FBXL7: variants seen among roughly 807,000 people sequenced by gnomAD.
The protein encoded by FBXL7 is F-box and leucine rich repeat protein 7.
Under a neutral mutation model 38.3 loss-of-function variants are expected in FBXL7, and 12 were observed. The ratio of observed to expected loss-of-function variants is 0.31; its 90% CI spans 0.20 to 0.51. The LOEUF is 0.51. FBXL7 is among the 20% of genes least tolerant of loss of function. The probability of loss-of-function intolerance (pLI) is 0.98; values close to 1 mark genes in which losing one functional copy is unlikely to be tolerated. For missense variants in FBXL7, 567 were observed against 676.4 expected, an observed-to-expected ratio of 0.84 and a Z score of 1.79; for synonymous variants, 297 against 300.9, an observed-to-expected ratio of 0.99 and a Z score of 0.13.
intron 2 of FBXL7, among the ~76,000 whole-genome samples, chr5:15,842,557 G>A (rs143953530): frequency 5.3e-5 from 8 of 152,240 alleles, no homozygotes; most frequent in African/African-American, 1.9e-4. Context: ...AGATTTGGGA[G>A]GGTCCCAGGG....
intron 2 of FBXL7, among the ~76,000 whole-genome samples, chr5:15,818,294 A>C (rs970052189): frequency 3.3e-5 from 5 of 152,196 alleles, no homozygotes; most frequent in African/African-American, 1.2e-4. Context: ...CAAACTAGTG[A>C]GAAAGGATCA....
At chr5:15,797,015 C>T (rs1432573111) in intron 2 of FBXL7, among the ~76,000 whole-genome samples, 2 of 152,142 alleles carry the variant, frequency 1.3e-5, no homozygotes, top group Non-Finnish European at 2.9e-5. Flanking sequence ...TTCTCATAAA[C>T]CAGTATATAT....
rs79414730 is a variant in FBXL7 at position 15,691,364 on chromosome 5, T to A, written c.127+75292T>A. 4.6e-3 allele frequency among the ~76,000 whole-genome samples: 703 copies of A among 152,340 alleles called. 5 individuals carry two copies. The highest frequency in any genetic ancestry group is 0.016 in the African/African-American group (661 of 41,594). ...AACAGTGAGAACAGACCAATTTTCATATTCGGACCTTTGCATCTAAAGCTC... is the reference window on the plus strand; with the variant it reads ...AACAGTGAGAACAGACCAATTTTCAAATTCGGACCTTTGCATCTAAAGCTC... On this transcript the variant is annotated intron_variant, in intron 2 of 3. Transcript: ENST00000504595.
intron 1 of FBXL7, among the ~76,000 whole-genome samples, chr5:15,555,974 CATCTATCTATCT>C (rs144598945): frequency 0.046 from 6,414 of 140,964 alleles, 210 homozygotes; most frequent in Non-Finnish European, 0.069. Flanking sequence ...ATCTGTCTAT[CATCTATCTATCT>C]ATCTATCTAT....
At chr5:15,585,709 G>A (rs976770346) in intron 1 of FBXL7, among the ~76,000 whole-genome samples, 2 of 152,202 alleles carry the variant, frequency 1.3e-5, no homozygotes, top group Non-Finnish European at 2.9e-5. Context: ...GTTGCTAGCT[G>A]TGCCTAATGA....
chr5:15,879,417 T>C (rs781641610), intron 2 of FBXL7, among the ~76,000 whole-genome samples: 26 of 152,180 alleles, frequency 1.7e-4, no homozygotes, highest in Non-Finnish European at 2.9e-4. Context: ...TTAGCCTCTC[T>C]GGAGGTTAAA....
At chr5:15,501,520 TAAG>T (rs1235457938) in intron 1 of FBXL7, 2 of 985,494 alleles carry the variant, frequency 2.0e-6, no homozygotes, top group Non-Finnish European at 2.4e-6. Flanking sequence ...GTTCAAAAGT[TAAG>T]AAGGTTTGTG....
At chr5:15,686,022 C>T (rs1468314167) in intron 2 of FBXL7, among the ~76,000 whole-genome samples, 5 of 152,134 alleles carry the variant, frequency 3.3e-5, no homozygotes, top group Admixed American at 1.3e-4. Flanking sequence ...GCCCCTTTTG[C>T]CATAGAGCAG....
At chr5:15,829,386 T>A (rs1299591140) in intron 2 of FBXL7, among the ~76,000 whole-genome samples, 5 of 152,246 alleles carry the variant, frequency 3.3e-5, no homozygotes, top group Non-Finnish European at 5.9e-5. Context: ...AGTCTTCTTA[T>A]AATTATGAAA....
chr5:15,536,562 C>A (rs1349690060), intron 1 of FBXL7, among the ~76,000 whole-genome samples: 1 of 152,194 alleles, frequency 6.6e-6, no homozygotes, highest in Non-Finnish European at 1.5e-5. Flanking sequence ...GGGTTTTGGA[C>A]TTTCGTGGGG....
intron 2 of FBXL7, among the ~76,000 whole-genome samples, chr5:15,798,992 G>A (rs1737488440): frequency 6.6e-6 from 1 of 152,208 alleles, no homozygotes; most frequent in African/African-American, 2.4e-5. Flanking sequence ...CCCCTTTGCA[G>A]GAGTTGATTG....
chr5:15,696,295 G>A (rs550013251), intron 2 of FBXL7, among the ~76,000 whole-genome samples: 37 of 152,108 alleles, frequency 2.4e-4, no homozygotes, highest in African/African-American at 7.0e-4. Flanking sequence ...CAACATTGTC[G>A]TGCTTTAAAG....
At chr5:15,623,680 A>T (rs1397659138) in intron 2 of FBXL7, among the ~76,000 whole-genome samples, 1 of 152,224 alleles carries the variant, frequency 6.6e-6, no homozygotes, top group Non-Finnish European at 1.5e-5. Context: ...CTAGGGAAGG[A>T]AAAATGATGC....
chr5:15,533,145 C>A (rs1304666628), intron 1 of FBXL7, among the ~76,000 whole-genome samples: 1 of 152,106 alleles, frequency 6.6e-6, no homozygotes, highest in African/African-American at 2.4e-5. Flanking sequence ...TTGGGAGCAT[C>A]ATCTTGTTGG....
intron 2 of FBXL7, among the ~76,000 whole-genome samples, chr5:15,665,815 G>A (rs1742255686): frequency 6.6e-6 from 1 of 152,022 alleles, no homozygotes. Flanking sequence ...TTCCATCATT[G>A]CTAAGCCATT....
At chr5:15,531,584 A>T (rs1043316541) in intron 1 of FBXL7, among the ~76,000 whole-genome samples, 2 of 152,232 alleles carry the variant, frequency 1.3e-5, no homozygotes, top group African/African-American at 4.8e-5. Context: ...CTCTGGCCAT[A>T]AGAGGGCATG....
intron 2 of FBXL7, among the ~76,000 whole-genome samples, chr5:15,923,164 T>A (rs1741787828): frequency 6.6e-6 from 1 of 152,214 alleles, no homozygotes. Context: ...CTGGTACCCC[T>A]GCATCGGGGT....
chr5:15,655,638 A>G (rs897557005), intron 2 of FBXL7, among the ~76,000 whole-genome samples: 2 of 152,204 alleles, frequency 1.3e-5, no homozygotes, highest in African/African-American at 4.8e-5. Context: ...AGTTTGCCTG[A>G]ATGTTTCACA....
intron 2 of FBXL7, among the ~76,000 whole-genome samples, chr5:15,624,924 ATC>A (rs1281469183): frequency 7.1e-6 from 1 of 140,276 alleles, no homozygotes; most frequent in African/African-American, 2.7e-5. Context: ...TGGCTTCTTG[ATC>A]TCTCTCTCTC....
Sources: allele counts gnomAD v4.1 joint callset (sites outside exome capture counted in the v4.1 genomes callset), GRCh38; gene constraint gnomAD v4.1.1; transcripts MANE v1.5; gene names NCBI Gene and HGNC (gene_info 2026-07-23, HGNC 2026-07-21).